Variants in PBX1 observed in about 807,000 individuals in gnomAD.
PBX1 encodes the protein pre-B-cell leukemia transcription factor 1.
A neutral mutation model predicts 53.4 loss-of-function variants in PBX1; 6 were observed. That is an observed-to-expected ratio of 0.11 (90% confidence interval 0.06 to 0.22). The LOEUF (loss-of-function observed/expected upper bound fraction) is 0.22. PBX1 is among the 10% of genes least tolerant of loss of function. The pLI, the probability that PBX1 is intolerant of heterozygous loss-of-function variation, is 1.00. For missense variants in PBX1, 251 were observed against 551.4 expected, an observed-to-expected ratio of 0.46 and a Z score of 5.46; for synonymous variants, 204 against 212.3, an observed-to-expected ratio of 0.96 and a Z score of 0.34.
At chr1:164,598,797 T>C (rs957780865) in intron 2 of PBX1, among the ~76,000 whole-genome samples, 3 of 152,232 alleles carry the variant, frequency 2.0e-5, no homozygotes, top group African/African-American at 7.2e-5. Context: ...CATTGTGTCA[T>C]ACCTCGGAGC....
chr1:164,631,973 G>A (rs1658440036), intron 2 of PBX1, among the ~76,000 whole-genome samples: 1 of 152,172 alleles, frequency 6.6e-6, no homozygotes, highest in African/African-American at 2.4e-5. Flanking sequence ...ACCTTCATAG[G>A]CCATCAGCCG....
intron 2 of PBX1, among the ~76,000 whole-genome samples, chr1:164,659,252 C>G (rs1320331023): frequency 6.6e-6 from 1 of 152,212 alleles, no homozygotes; most frequent in African/African-American, 2.4e-5. Flanking sequence ...ATTCACATCT[C>G]AGCTGGAGAG....
chr1:164,802,317 T>C (rs2102325563), intron 4 of PBX1, among the ~76,000 whole-genome samples: 1 of 152,326 alleles, frequency 6.6e-6, no homozygotes, highest in East Asian at 1.9e-4. Flanking sequence ...AGCGAATCTG[T>C]AATCAAGCTT....
At chr1:164,734,570 A>C (rs1209678784) in intron 2 of PBX1, among the ~76,000 whole-genome samples, 37 of 152,190 alleles carry the variant, frequency 2.4e-4, no homozygotes, top group Admixed American at 2.4e-3. Flanking sequence ...ACAAACATGT[A>C]TGGAGTGCCT....
intron 2 of PBX1, among the ~76,000 whole-genome samples, chr1:164,688,627 G>C (rs919742443): frequency 2.6e-5 from 4 of 152,070 alleles, no homozygotes; most frequent in African/African-American, 9.7e-5. Flanking sequence ...CCAGGGCCAT[G>C]ACCTCTTACA....
intron 2 of PBX1, among the ~76,000 whole-genome samples, chr1:164,623,831 A>C (rs1223789475): frequency 2.0e-5 from 3 of 152,206 alleles, no homozygotes; most frequent in Non-Finnish European, 4.4e-5. Flanking sequence ...CATGTTAATG[A>C]TATTTTAGAA....
At chr1:164,583,572 C>A (rs748037531) in intron 2 of PBX1, among the ~76,000 whole-genome samples, 20 of 152,116 alleles carry the variant, frequency 1.3e-4, no homozygotes, top group Non-Finnish European at 2.8e-4. Context: ...GACTGGCTTA[C>A]AGAAGAAACA....
intron 2 of PBX1, among the ~76,000 whole-genome samples, chr1:164,667,316 A>G (rs369135059): frequency 1.3e-5 from 2 of 152,086 alleles, no homozygotes; most frequent in South Asian, 4.1e-4. Context: ...TGCCTTGTAG[A>G]AGTTTATAAT....
intron 2 of PBX1, among the ~76,000 whole-genome samples, chr1:164,784,035 T>C (rs974206184): frequency 3.9e-5 from 6 of 152,222 alleles, no homozygotes; most frequent in Non-Finnish European, 7.3e-5. Flanking sequence ...TCCACATTTT[T>C]CATGCTTTTT....
At chr1:164,819,283 T>C (rs936194378) in intron 6 of PBX1, 8 of 152,300 alleles carry the variant, frequency 5.3e-5, no homozygotes, top group Middle Eastern at 6.8e-3. Flanking sequence ...GAAAAGCAGA[T>C]GGCTAATGGC....
At position 164,851,469 on chromosome 1, in the gene PBX1, C is replaced by CT. The variant is rs959968547; in HGVS notation, c.*4801dup. The CT allele has an allele frequency of 2.1e-5, 4 of 192,798 alleles. No individual in the cohort carries two copies. The highest frequency in any genetic ancestry group is 1.6e-4 in the East Asian group (2 of 12,318). The allele number at this position is 192,798 out of a possible 1,614,324, so 11.9% of individuals were successfully genotyped here. ...CCTGGAATCTTTTATTTTTTGTAAA[C>CT]TTTTTTTTCTTTTGTTAAAATAAAT... is the stretch of plus-strand genomic sequence containing the variant. On this transcript the variant is annotated 3_prime_UTR_variant, in exon 9 of 9. Transcript: ENST00000420696.
intron 8 of PBX1, among the ~76,000 whole-genome samples, chr1:164,833,784 G>T (rs559450992): frequency 2.8e-4 from 43 of 151,680 alleles, no homozygotes; most frequent in Non-Finnish European, 5.6e-4. Flanking sequence ...CCAGCAACCG[G>T]TCTATTCTGA....
At position 164,780,715 on chromosome 1, in the gene PBX1, C is replaced by T. The variant is rs567413600; in HGVS notation, c.266-11779C>T. Among the ~76,000 whole-genome samples the T allele has an allele frequency of 1.2e-3, 178 of 152,294 alleles. 1 individual carries two copies. Among genetic ancestry groups the T allele is most frequent in the Middle Eastern group, 3.4e-3 (1 of 294 alleles). ...CCGAAGACATTAAGTCAGTAGCTTTCTTGGTCCCCATGAGATGTTATCTCT... is the reference window on the plus strand; with the variant it reads ...CCGAAGACATTAAGTCAGTAGCTTTTTTGGTCCCCATGAGATGTTATCTCT... On this transcript the variant is annotated intron_variant, in intron 2 of 8. Transcript: ENST00000420696.
At chr1:164,589,080 C>T (rs770391199) in intron 2 of PBX1, among the ~76,000 whole-genome samples, 12 of 152,096 alleles carry the variant, frequency 7.9e-5, no homozygotes, top group Non-Finnish European at 1.5e-4. Flanking sequence ...TTTCCTGACT[C>T]CTCACCCTTT....
chr1:164,769,080 GA>G, intron 2 of PBX1: 1 of 152,086 alleles, frequency 6.6e-6, no homozygotes, highest in African/African-American at 2.4e-5. Flanking sequence ...AAAGAGGAAA[GA>G]AGGAAAGAAG....
At chr1:164,762,354 C>T (rs1666855443) in intron 2 of PBX1, among the ~76,000 whole-genome samples, 1 of 152,174 alleles carries the variant, frequency 6.6e-6, no homozygotes, top group Non-Finnish European at 1.5e-5. Flanking sequence ...ATGCAATTTG[C>T]AACAGTCCTC....
intron 2 of PBX1, among the ~76,000 whole-genome samples, chr1:164,609,759 T>C (rs1331869642): frequency 1.3e-5 from 2 of 152,202 alleles, no homozygotes; most frequent in Admixed American, 6.5e-5. Context: ...GAGACTATTC[T>C]TACCTGGCTT....
intron 2 of PBX1, among the ~76,000 whole-genome samples, chr1:164,862,161 A>G (rs1672115987): frequency 1.3e-5 from 2 of 152,172 alleles, no homozygotes; most frequent in African/African-American, 4.8e-5. Flanking sequence ...AGGCAATTGC[A>G]ATATTTGGGG....
chr1:164,687,279 C>G (rs976345067), intron 2 of PBX1, among the ~76,000 whole-genome samples: 1 of 152,062 alleles, frequency 6.6e-6, no homozygotes, highest in Non-Finnish European at 1.5e-5. Context: ...CTAAGTATTT[C>G]AGGCCAGACA....
Sources: allele counts gnomAD v4.1 joint callset (sites outside exome capture counted in the v4.1 genomes callset), GRCh38; gene constraint gnomAD v4.1.1; transcripts MANE v1.5; gene names NCBI Gene and HGNC (gene_info 2026-07-23, HGNC 2026-07-21).